RAG1: variants seen among roughly 807,000 people sequenced by gnomAD.
RAG1 encodes the protein V(D)J recombination-activating protein 1.
A neutral mutation model predicts 62.7 loss-of-function variants in RAG1; 35 were observed. The observed-to-expected ratio is 0.56, with a 90% CI of 0.43 to 0.74. The LOEUF (loss-of-function observed/expected upper bound fraction) is 0.74, where lower values mean the gene tolerates loss of function less well. Ranked by LOEUF, RAG1 falls within the 30% of genes least tolerant of loss-of-function variation. The pLI, the probability that RAG1 is intolerant of heterozygous loss-of-function variation, is 0.00. For synonymous variants in RAG1, 461 were observed against 470.3 expected (o/e 0.98, Z 0.26); for missense variants, 1,169 against 1,278.6 (o/e 0.91, Z 1.31).
chr11:36,530,685 C>T (rs142739943), intron 2 of RAG1, among the ~76,000 whole-genome samples: 3 of 151,956 alleles, frequency 2.0e-5, no homozygotes, highest in Admixed American at 6.6e-5. Flanking sequence ...AGTCAGAGAA[C>T]GCACTTGATA....
intron 1 of RAG1, among the ~76,000 whole-genome samples, chr11:36,511,360 G>T (rs1172273865): frequency 6.6e-6 from 1 of 152,126 alleles, no homozygotes; most frequent in African/African-American, 2.4e-5. Context: ...AGGCTGAGGT[G>T]GGAGGATGGC....
rs1349240847 is a variant in RAG1, at chr11:36,578,763, G to A, written c.*2327G>A. On this transcript the variant is annotated 3_prime_UTR_variant, in exon 2 of 2. Transcript: ENST00000299440. Reference sequence around the variant, plus strand: ...CCTATGGTTTTTTGCCCTTACTGTTGAGACTGCAATATCCTAGACCCTAGT... The same window carrying A: ...CCTATGGTTTTTTGCCCTTACTGTTAAGACTGCAATATCCTAGACCCTAGT... 1 of 167,044 alleles carries A rather than the reference G, an allele frequency of 6.0e-6. No individual in the cohort carries two copies. Among genetic ancestry groups the A allele is most frequent in the Non-Finnish European group, 1.5e-5 (1 of 68,110 alleles). 10.3% of individuals were successfully genotyped at this position (167,044 alleles called of 1,614,324 possible).
At chr11:36,561,471 A>G (rs958681352) in intron 3 of RAG1, among the ~76,000 whole-genome samples, 4 of 152,190 alleles carry the variant, frequency 2.6e-5, no homozygotes, top group African/African-American at 9.6e-5. Context: ...TTTTGTGTCA[A>G]TATGGCTGGA....
intron 1 of RAG1, among the ~76,000 whole-genome samples, chr11:36,513,794 T>TC (rs1859958346): frequency 6.6e-6 from 1 of 152,154 alleles, no homozygotes; most frequent in African/African-American, 2.4e-5. Flanking sequence ...TATAAAACCA[T>TC]CAGATCTTGT....
chr11:36,543,858 A>G (rs1298352842), intron 3 of RAG1, among the ~76,000 whole-genome samples: 1 of 152,234 alleles, frequency 6.6e-6, no homozygotes, highest in Non-Finnish European at 1.5e-5. Context: ...ATGTGGACAT[A>G]GTATTCATTT....
At chr11:36,565,427 C>T (rs1850648255), upstream of RAG1, among the ~76,000 whole-genome samples, 1 of 152,128 alleles carries the variant, frequency 6.6e-6, no homozygotes, top group South Asian at 2.1e-4. Flanking sequence ...GAGCACATTG[C>T]CTGGAGGAGC....
intron 2 of RAG1, chr11:36,535,848 G>T (rs1172908743): frequency 6.6e-6 from 1 of 152,002 alleles, no homozygotes; most frequent in Admixed American, 6.5e-5. Flanking sequence ...TCCATTTATA[G>T]TCTTTTTTTT....
At position 36,578,206 on chromosome 11, in the gene RAG1, A is replaced by G. The variant is rs1850881179; in HGVS notation, c.*1770A>G. Reference sequence around the variant, plus strand: ...TTGTCAAAAGTGCATCGGCGACATTATCTTTAATTGTATGTATTTGGTGCT... The same window carrying G: ...TTGTCAAAAGTGCATCGGCGACATTGTCTTTAATTGTATGTATTTGGTGCT... On this transcript the variant is annotated 3_prime_UTR_variant, in exon 2 of 2. Transcript: ENST00000299440. 6.0e-6 allele frequency: 1 copy of G among 167,084 alleles called. No homozygotes were observed. The highest frequency in any genetic ancestry group is 6.5e-5 in the Admixed American group (1 of 15,286). The allele number at this position is 167,084 out of a possible 1,614,324, so 10.4% of individuals were successfully genotyped here. A position where few individuals can be genotyped will look rare whatever the true frequency, so the allele number is the denominator to read the frequency against.
At chr11:36,571,103 G>A (rs1227059176) in intron 1 of RAG1, among the ~76,000 whole-genome samples, 4 of 152,108 alleles carry the variant, frequency 2.6e-5, no homozygotes, top group Non-Finnish European at 5.9e-5. Context: ...GTAGATTTTG[G>A]TATAGTAATG....
intron 1 of RAG1, among the ~76,000 whole-genome samples, chr11:36,572,569 A>C (rs1448349633): frequency 6.6e-6 from 1 of 152,168 alleles, no homozygotes; most frequent in Non-Finnish European, 1.5e-5. Flanking sequence ...GTCTATGTAC[A>C]CTCAGGTTTG....
At chr11:36,516,539 G>A (rs1284742768) in intron 1 of RAG1, among the ~76,000 whole-genome samples, 2 of 152,206 alleles carry the variant, frequency 1.3e-5, no homozygotes. Context: ...AGCCAGGATG[G>A]TCTCGATCTC....
intron 1 of RAG1, among the ~76,000 whole-genome samples, chr11:36,571,582 C>G (rs1850745567): frequency 6.6e-6 from 1 of 152,152 alleles, no homozygotes; most frequent in Non-Finnish European, 1.5e-5. Flanking sequence ...TGAATCAAGT[C>G]TTAGAAATTT....
chr11:36,550,111 C>T (rs1053454299), intron 3 of RAG1, among the ~76,000 whole-genome samples: 5 of 151,830 alleles, frequency 3.3e-5, no homozygotes, highest in African/African-American at 9.7e-5. Context: ...ATGGAGCCTG[C>T]TGGGGACTGG....
intron 2 of RAG1, among the ~76,000 whole-genome samples, chr11:36,525,968 G>T (rs1336931558): frequency 6.6e-6 from 1 of 152,102 alleles, no homozygotes; most frequent in Non-Finnish European, 1.5e-5. Context: ...GACTTTTCTT[G>T]TCAGAGTTGT....
Position 36,574,309 on chromosome 11 carries a change from C to A in RAG1, c.1005C>A (p.Cys335Ter). ...ATTGTCCCTCTTGCCGATATCCATG[C>A]TTCCCTACTGACCTGGAGAGTCCAG... is the stretch of plus-strand genomic sequence containing the variant. Reference protein sequence around the residue: ...GSYCPSCRYPCFPTDLESPVK... With the variant: ...GSYCPSCRYP The change falls in exon 2 of 2, where the codon TGC becomes TGA. Residue 335 changes from cysteine to a stop codon, truncating the protein, a stop_gained. Transcript: ENST00000299440. LOFTEE classifies it high-confidence loss of function. 6.2e-7 allele frequency: 1 copy of A among 1,614,224 alleles called. No homozygotes were observed. Among genetic ancestry groups the A allele is most frequent in the South Asian group, 1.1e-5 (1 of 91,080 alleles).
chr11:36,575,443 A>G lies in RAG1; in HGVS notation c.2139A>G (p.Lys713=), dbSNP rs1233254594. 1 of 1,613,996 alleles carries G rather than the reference A, an allele frequency of 6.2e-7. No homozygotes were observed. The change falls in exon 2 of 2, where the codon AAA becomes AAG. Residue 713 remains lysine (K), a synonymous_variant. Transcript: ENST00000299440. This position sits in a 1 kb window ranked among gnomAD's most constrained non-coding sequence, Gnocchi z 4.1. ...TCAGGGGCACCGGCTATGATGAAAA[A>G]CTTGTGCGGGAAGTGGAAGGCCTCG... ...FIFRGTGYDE[K]LVREVEGLEA...
chr11:36,526,977 A>G (rs374267201), intron 2 of RAG1, among the ~76,000 whole-genome samples: 1 of 152,040 alleles, frequency 6.6e-6, no homozygotes, highest in Non-Finnish European at 1.5e-5. Context: ...TAGATTCTGG[A>G]TATTAGCCCT....
At chr11:36,569,586 G>A (rs1850709027) in intron 1 of RAG1, among the ~76,000 whole-genome samples, 1 of 152,092 alleles carries the variant, frequency 6.6e-6, no homozygotes, top group Admixed American at 6.5e-5. Context: ...TTTTTCTGGG[G>A]GAAATTTAGA....
rs886048251 is a variant in RAG1 at position 36,573,295 on chromosome 11, C to T, written c.-10C>T. ...ACTTGTTTTCATTGTTCTCAGGTACCTCAGCCAGCATGGCAGCCTCTTTCC... is the reference window on the plus strand; with the variant it reads ...ACTTGTTTTCATTGTTCTCAGGTACTTCAGCCAGCATGGCAGCCTCTTTCC... On this transcript the variant is annotated 5_prime_UTR_variant, in exon 2 of 2. Coordinates refer to ENST00000299440, the MANE Select transcript of RAG1 (RefSeq NM_000448.3). 1 of 1,613,986 alleles carries T rather than the reference C, an allele frequency of 6.2e-7. No homozygotes were observed.
Sources: gnomAD v4.1 joint callset for allele counts (sites outside exome capture counted in the v4.1 genomes callset) on GRCh38, gnomAD v4.1.1 for gene constraint, Gnocchi (gnomAD v3.1) non-coding constraint, MANE v1.5 for transcripts, NCBI Gene and HGNC (gene_info 2026-07-23, HGNC 2026-07-21) for gene names.